The following PPP1R3A variants were observed in gnomAD, a reference collection of about 807,000 sequenced individuals.
PPP1R3A encodes RG1.
In PPP1R3A, 29 loss-of-function variants were observed where a neutral mutation model predicts 41.7. That is an observed-to-expected ratio of 0.70 (90% CI 0.52 to 0.95). PPP1R3A has a LOEUF of 0.95. Ranked by LOEUF, PPP1R3A falls within the 40% of genes least tolerant of loss-of-function variation. PPP1R3A has a pLI of 0.00. For synonymous variants in PPP1R3A, 485 were observed against 453.4 expected, an observed-to-expected ratio of 1.07 and a Z score of -0.89; for missense variants, 1,352 against 1,292.4, an observed-to-expected ratio of 1.05 and a Z score of -0.71.
At position 113,879,886 on chromosome 7, in the gene PPP1R3A, A is replaced by G; in HGVS notation, c.1206T>C (p.His402=). The change falls in exon 4 of 4, where the codon CAT becomes CAC. Residue 402 remains histidine, a synonymous_variant. Coordinates refer to ENST00000284601, the MANE Select transcript of PPP1R3A (RefSeq NM_002711.4). ...EKYSSGDDCT[H]QPSEETTSNM... ...TTGAAGTAGTTTCCTCTGAAGGTTG[A>G]TGTGTACAGTCATCTCCTGAGGAAT... The G allele has an allele frequency of 1.1e-5, 17 of 1,613,540 alleles. No individual in the cohort carries two copies. Among genetic ancestry groups the G allele is most frequent in the Non-Finnish European group, 1.4e-5 (17 of 1,179,686 alleles).
intron 1 of PPP1R3A, among the ~76,000 whole-genome samples, chr7:113,901,723 T>C (rs1797065764): frequency 6.6e-6 from 1 of 151,754 alleles, no homozygotes; most frequent in South Asian, 2.1e-4. Context: ...CAGGACATAG[T>C]AGAAAGATCA....
chr7:113,880,296 T>A (rs2129113479), intron 3 of PPP1R3A, among the ~76,000 whole-genome samples, 171 bp from the exon 4 acceptor site: 1 of 152,132 alleles, frequency 6.6e-6, no homozygotes, highest in South Asian at 2.1e-4. Flanking sequence ...GGGGAAATCC[T>A]TGCAGGCTAT....
At chr7:113,893,249 G>A (rs1242575100) in intron 1 of PPP1R3A, among the ~76,000 whole-genome samples, 2 of 151,818 alleles carry the variant, frequency 1.3e-5, no homozygotes, top group Admixed American at 1.3e-4. Flanking sequence ...TCATTTAGAG[G>A]TATTTAATTG....
At chr7:113,911,303 T>C (rs373042912) in intron 1 of PPP1R3A, among the ~76,000 whole-genome samples, 2 of 152,198 alleles carry the variant, frequency 1.3e-5, no homozygotes, top group Non-Finnish European at 2.9e-5. Flanking sequence ...AGTAAAGCTA[T>C]TGAAGCAGCA....
At chr7:113,914,764 C>A (rs188706975) in intron 1 of PPP1R3A, among the ~76,000 whole-genome samples, 132 of 152,156 alleles carry the variant, frequency 8.7e-4, no homozygotes, top group Non-Finnish European at 1.7e-3. Context: ...TGAGATAGAG[C>A]TGTAGTTGTT....
Position 113,918,762 on chromosome 7 carries a change from C to T in PPP1R3A, c.235G>A (p.Glu79Lys). The change falls in exon 1 of 4, where the codon GAA (glutamate) becomes AAA (lysine). Residue 79 changes from glutamate to lysine, a missense_variant. Coordinates refer to ENST00000284601, the MANE Select transcript of PPP1R3A (RefSeq NM_002711.4). The stretch of plus-strand genomic sequence containing the variant: ...CTCGGTAATTCCCAGCAATCAAATT[C>T]TTTAACAGACACAAGATTGAATCCA... ...SFGFNLVSVK[E>K]FDCWELPSAS... 6.2e-7 allele frequency: 1 copy of T among 1,613,862 alleles called. No homozygotes were observed. The highest frequency in any genetic ancestry group is 8.5e-7 in the Non-Finnish European group (1 of 1,179,868).
intron 1 of PPP1R3A, among the ~76,000 whole-genome samples, chr7:113,898,465 A>G (rs2129117849): frequency 6.6e-6 from 1 of 151,884 alleles, no homozygotes; most frequent in Non-Finnish European, 1.5e-5. Flanking sequence ...GGGGCATGGT[A>G]GTGAGAGAGA....
At chr7:113,905,641 A>G (rs1797133410) in intron 1 of PPP1R3A, among the ~76,000 whole-genome samples, 1 of 151,850 alleles carries the variant, frequency 6.6e-6, no homozygotes, top group African/African-American at 2.4e-5. Context: ...TGAAACATTT[A>G]GATGCATTGC....
chr7:113,880,700 A>G (rs1205030802), intron 3 of PPP1R3A, among the ~76,000 whole-genome samples: 1 of 123,794 alleles, frequency 8.1e-6, no homozygotes, highest in Non-Finnish European at 1.7e-5. Flanking sequence ...AGGATTTAAC[A>G]GTGAGATGCC....
At position 113,878,901 on chromosome 7, in the gene PPP1R3A, AG is replaced by A. The variant is rs1388219132; in HGVS notation, c.2190del (p.Tyr731IlefsTer2). 8 of 1,612,814 alleles carry A rather than the reference AG, an allele frequency of 5.0e-6. No homozygotes were observed. In the African/African-American group the frequency reaches 9.4e-5, roughly 19 times the overall value. On this transcript the variant is annotated frameshift_variant, in exon 4 of 4. Coordinates refer to ENST00000284601, the MANE Select transcript of PPP1R3A (RefSeq NM_002711.4). LOFTEE classifies it low-confidence loss of function (END_TRUNC). ...GITEKAEAGT[A>X]YIIKTTSEST... The stretch of plus-strand genomic sequence containing the variant: ...CTTTCTGATGTTGTCTTAATTATAT[AG>A]GCTGTACCAGCTTCTGCTTTCTCAG...
At chr7:113,891,131 C>A in intron 1 of PPP1R3A, among the ~76,000 whole-genome samples, 1 of 137,594 alleles carries the variant, frequency 7.3e-6, no homozygotes, top group African/African-American at 2.8e-5. Flanking sequence ...ATGCAAATCT[C>A]AGTATTTCCG....
At chr7:113,909,072 A>C (rs564949630) in intron 1 of PPP1R3A, among the ~76,000 whole-genome samples, 1 of 152,008 alleles carries the variant, frequency 6.6e-6, no homozygotes, top group African/African-American at 2.4e-5. Flanking sequence ...GGAAGTCCAA[A>C]CCCCAGCCTT....
In PPP1R3A at chr7:113,918,259, T is replaced by G. The variant is rs1441706342; in HGVS notation, c.738A>C (p.Glu246Asp). Reference protein sequence around the residue: ...QEPEPVKPWKEVPNRQIKGCL... With the variant: ...QEPEPVKPWKDVPNRQIKGCL... ...AGCCTTTTATTTGTCTGTTAGGAAC[T>G]TCTTTCCATGGTTTTACAGGCTCCG... The change falls in exon 1 of 4, where the codon GAA (glutamate) becomes GAC (aspartate). Residue 246 changes from glutamate to aspartate, a missense_variant. By Grantham distance (45) the Glu-to-Asp change is conservative. Transcript: ENST00000284601. The G allele has an allele frequency of 1.8e-5, 29 of 1,607,318 alleles. No homozygotes were observed. The highest frequency in any genetic ancestry group is 2.5e-5 in the Non-Finnish European group (29 of 1,177,732).
chr7:113,907,292 C>T (rs1797163276), intron 1 of PPP1R3A, among the ~76,000 whole-genome samples: 1 of 151,708 alleles, frequency 6.6e-6, no homozygotes. Flanking sequence ...TAAATATTTA[C>T]ATTTCAGCAT....
chr7:113,896,643 AAG>A (rs1454211590), intron 1 of PPP1R3A, among the ~76,000 whole-genome samples: 1 of 151,862 alleles, frequency 6.6e-6, no homozygotes, highest in East Asian at 1.9e-4. Flanking sequence ...AATACCGAAA[AAG>A]AGAGCAGAGA....
chr7:113,881,959 A>AT, intron 3 of PPP1R3A, 80 bp downstream of exon 3: 1 of 1,529,680 alleles, frequency 6.5e-7, no homozygotes. Context: ...AGTTGAAGCT[A>AT]TTGAAAGGCA....
At chr7:113,907,941 C>T (rs1797172693) in intron 1 of PPP1R3A, among the ~76,000 whole-genome samples, 1 of 151,714 alleles carries the variant, frequency 6.6e-6, no homozygotes, top group Non-Finnish European at 1.5e-5. Flanking sequence ...GTAATAGTGA[C>T]AAACAGCAAC....
At chr7:113,902,427 T>C (rs953824437) in intron 1 of PPP1R3A, among the ~76,000 whole-genome samples, 1 of 151,874 alleles carries the variant, frequency 6.6e-6, no homozygotes, top group Admixed American at 6.6e-5. Flanking sequence ...CTACATCTAA[T>C]TGTACACTAC....
chr7:113,898,903 T>G (rs1350561571), intron 1 of PPP1R3A, among the ~76,000 whole-genome samples: 2 of 151,838 alleles, frequency 1.3e-5, no homozygotes, highest in Non-Finnish European at 2.9e-5. Flanking sequence ...GATGTATATG[T>G]ATGTCCTACA....
Sources: allele counts gnomAD v4.1 joint callset (sites outside exome capture counted in the v4.1 genomes callset), GRCh38; gene constraint gnomAD v4.1.1; transcripts MANE v1.5; gene names NCBI Gene and HGNC (gene_info 2026-07-23, HGNC 2026-07-21).